The following ADAMTSL1 variants were observed in gnomAD, a reference collection of about 807,000 sequenced individuals.
ADAMTSL1 encodes the protein ADAMTS-like protein 1.
In ADAMTSL1, 126 loss-of-function variants were observed where a neutral mutation model predicts 201.8. The ratio of observed to expected loss-of-function variants is 0.62; its 90% confidence interval spans 0.54 to 0.72. The LOEUF (loss-of-function observed/expected upper bound fraction) is 0.72, where lower values mean the gene tolerates loss of function less well. ADAMTSL1 is among the 30% of genes least tolerant of loss of function. ADAMTSL1 has a pLI of 0.00. For synonymous variants in ADAMTSL1, 1,121 were observed against 903.4 expected, an observed-to-expected ratio of 1.24 and a Z score of -4.32; for missense variants, 2,679 against 2,277.8, an observed-to-expected ratio of 1.18 and a Z score of -3.59.
intron 4 of ADAMTSL1, among the ~76,000 whole-genome samples, chr9:18,620,019 T>TA (rs1825935199): frequency 2.4e-5 from 3 of 122,486 alleles, no homozygotes. Context: ...TTTCTGATTT[T>TA]TTTTTTTTTT....
intron 1 of ADAMTSL1, among the ~76,000 whole-genome samples, chr9:17,988,344 T>G (rs1318635846): frequency 1.3e-5 from 2 of 152,004 alleles, no homozygotes; most frequent in Non-Finnish European, 1.5e-5. Flanking sequence ...TAACATTGGG[T>G]TTCAAATACC....
chr9:18,842,718 C>G (rs911280450), intron 23 of ADAMTSL1, among the ~76,000 whole-genome samples: 3 of 152,122 alleles, frequency 2.0e-5, no homozygotes, highest in Non-Finnish European at 4.4e-5. Flanking sequence ...TCTGGGTGCT[C>G]CCATATTGGG....
chr9:18,887,616 T>TTTTAC (rs1272596059), intron 23 of ADAMTSL1, among the ~76,000 whole-genome samples: 24 of 152,164 alleles, frequency 1.6e-4, no homozygotes, highest in African/African-American at 5.8e-4. Flanking sequence ...TATCCAGTAA[T>TTTTAC]TTTACTTAAT....
intron 10 of ADAMTSL1, among the ~76,000 whole-genome samples, chr9:18,676,674 A>C (rs1830149945): frequency 6.6e-6 from 1 of 152,094 alleles, no homozygotes; most frequent in African/African-American, 2.4e-5. Flanking sequence ...GGATTGAAGT[A>C]GACCTATGCT....
intron 1 of ADAMTSL1, among the ~76,000 whole-genome samples, chr9:17,924,322 A>G (rs1263201070): frequency 1.3e-5 from 2 of 152,138 alleles, no homozygotes; most frequent in East Asian, 3.9e-4. Flanking sequence ...TGGTCTATTC[A>G]GAGATTCAAC....
Position 18,894,437 on chromosome 9 carries a change from G to C in ADAMTSL1, c.4851+1841G>C, listed in dbSNP as rs548255777. Among the ~76,000 whole-genome samples the C allele has an allele frequency of 1.1e-3, 157 of 145,672 alleles. 1 individual carries two copies. Among genetic ancestry groups the C allele is most frequent in the African/African-American group, 3.9e-3 (150 of 38,620 alleles). ...ACTACAGAAAGAGAAACCTAATCTAGGTGAGCAATTATGGTGATGAGAATG... is the reference window on the plus strand; with the variant it reads ...ACTACAGAAAGAGAAACCTAATCTACGTGAGCAATTATGGTGATGAGAATG... On this transcript the variant is annotated intron_variant, in intron 26 of 28. Transcript: ENST00000380548.
chr9:18,516,901 G>A (rs1298922470), intron 2 of ADAMTSL1, among the ~76,000 whole-genome samples: 1 of 152,186 alleles, frequency 6.6e-6, no homozygotes, highest in Non-Finnish European at 1.5e-5. Context: ...AAAGAAAAAT[G>A]TTGTGACTCT....
intron 4 of ADAMTSL1, among the ~76,000 whole-genome samples, chr9:18,600,348 C>T (rs774733074): frequency 6.6e-6 from 1 of 152,246 alleles, no homozygotes; most frequent in East Asian, 1.9e-4. Context: ...ATCTACTGCC[C>T]AAAAAGTCTA....
At chr9:18,342,479 C>T (rs1184712957) in intron 2 of ADAMTSL1, among the ~76,000 whole-genome samples, 1 of 152,104 alleles carries the variant, frequency 6.6e-6, no homozygotes, top group Non-Finnish European at 1.5e-5. Context: ...GGAAAGTTGT[C>T]TCATAGCTTG....
At chr9:18,590,235 T>A (rs886443678) in intron 4 of ADAMTSL1, among the ~76,000 whole-genome samples, 2 of 152,112 alleles carry the variant, frequency 1.3e-5, no homozygotes, top group African/African-American at 4.8e-5. Flanking sequence ...TTCAGTTTTC[T>A]GTTTTCTCCT....
intron 1 of ADAMTSL1, among the ~76,000 whole-genome samples, chr9:17,977,427 A>G (rs995134195): frequency 2.6e-5 from 4 of 152,068 alleles, no homozygotes; most frequent in African/African-American, 9.7e-5. Flanking sequence ...AAATTCCTGG[A>G]CTTTTTTCTT....
In ADAMTSL1 at chr9:18,827,165, A is replaced by AG. The variant is rs1239605461; in HGVS notation, c.4114+702_4114+703insG. Among the ~76,000 whole-genome samples, 14 of 150,610 alleles carry AG rather than the reference A, an allele frequency of 9.3e-5. No homozygotes were observed. In the East Asian group the frequency reaches 2.3e-3, roughly 25 times the overall value. On this transcript the variant is annotated intron_variant, in intron 22 of 28. Transcript: ENST00000380548. ...CTGGGTGCTAGGGAGATAAAGTTAAAAAAAAAAAAAAATTTTTTTTGGCTT... is the reference window on the plus strand; with the variant it reads ...CTGGGTGCTAGGGAGATAAAGTTAAAGAAAAAAAAAAAATTTTTTTTGGCTT...
intron 2 of ADAMTSL1, among the ~76,000 whole-genome samples, chr9:18,378,409 G>C (rs750839246): frequency 6.6e-6 from 1 of 152,210 alleles, no homozygotes; most frequent in Non-Finnish European, 1.5e-5. Context: ...CTAAGCCAGG[G>C]AGGGATATAG....
At chr9:18,648,763 A>C (rs1368010351) in intron 7 of ADAMTSL1, among the ~76,000 whole-genome samples, 1 of 152,124 alleles carries the variant, frequency 6.6e-6, no homozygotes, top group East Asian at 1.9e-4. Flanking sequence ...ATCCGCTGTT[A>C]GTCTGATGGG....
At chr9:18,697,171 C>T (rs1217221230) in intron 13 of ADAMTSL1, among the ~76,000 whole-genome samples, 5 of 151,976 alleles carry the variant, frequency 3.3e-5, no homozygotes, top group Admixed American at 6.6e-5. Flanking sequence ...TGTGAGCCAC[C>T]GTGCCTGGCC....
In ADAMTSL1 at chr9:18,826,384, C is replaced by T. The variant is rs1824565455; in HGVS notation, c.4035C>T (p.Ser1345=). 6.2e-7 allele frequency: 1 copy of T among 1,613,798 alleles called. No homozygotes were observed. Among genetic ancestry groups the T allele is most frequent in the South Asian group, 1.1e-5 (1 of 91,004 alleles). Residue 1345 remains serine (S), a synonymous_variant, in exon 22 of 29, where the codon TCC becomes TCT. Coordinates refer to ENST00000380548, the MANE Select transcript of ADAMTSL1 (RefSeq NM_001040272.6). ...CCTTGCTGCTCACAAACGTGTCCTC[C>T]TCGGATCAGGGCCTGTACTCCTGCA... ...EGSLLLTNVS[S]SDQGLYSCRA...
chr9:18,266,433 T>C (rs1472028181), intron 2 of ADAMTSL1, among the ~76,000 whole-genome samples: 3 of 152,170 alleles, frequency 2.0e-5, no homozygotes, highest in Admixed American at 6.5e-5. Flanking sequence ...CTGATTTGAG[T>C]AGACAGCAAC....
intron 4 of ADAMTSL1, among the ~76,000 whole-genome samples, chr9:18,617,093 C>G (rs1270962049): frequency 6.6e-6 from 1 of 152,132 alleles, no homozygotes; most frequent in South Asian, 2.1e-4. Flanking sequence ...AGTTTCTTAC[C>G]TCATGATGTT....
intron 2 of ADAMTSL1, among the ~76,000 whole-genome samples, chr9:18,444,095 T>C (rs1327834752): frequency 6.6e-6 from 1 of 152,202 alleles, no homozygotes; most frequent in African/African-American, 2.4e-5. Context: ...TACTTGGGGA[T>C]AAAATAGACT....
Sources: gnomAD v4.1 joint callset for allele counts (sites outside exome capture counted in the v4.1 genomes callset) on GRCh38, gnomAD v4.1.1 for gene constraint, MANE v1.5 for transcripts, NCBI Gene and HGNC (gene_info 2026-07-23, HGNC 2026-07-21) for gene names.